Variants in SEMA3A observed in about 807,000 individuals in gnomAD.
The protein encoded by SEMA3A is semaphorin-3A.
Under a neutral mutation model 97.9 loss-of-function variants are expected in SEMA3A, and 29 were observed. The observed-to-expected ratio is 0.30, with a 90% confidence interval of 0.22 to 0.40. The LOEUF (loss-of-function observed/expected upper bound fraction) is 0.40, where lower values mean the gene tolerates loss of function less well. Among genes scored for constraint, SEMA3A ranks in the 10% least tolerant of loss-of-function variants. The pLI, the probability that SEMA3A is intolerant of heterozygous loss-of-function variation, is 1.00. For synonymous variants in SEMA3A, 321 were observed against 323.7 expected (o/e 0.99, Z 0.09); for missense variants, 763 against 951.3 (o/e 0.80, Z 2.60).
chr7:84,175,356 G>A (rs1056010341), intron 1 of SEMA3A, among the ~76,000 whole-genome samples: 11 of 152,058 alleles, frequency 7.2e-5, no homozygotes, highest in Non-Finnish European at 1.3e-4. Flanking sequence ...ACAAACATAC[G>A]AATTATATTT....
At chr7:84,466,521 T>A (rs990207609) in intron 1 of SEMA3A, among the ~76,000 whole-genome samples, 2 of 152,168 alleles carry the variant, frequency 1.3e-5, no homozygotes, top group Non-Finnish European at 2.9e-5. Context: ...TATTTCCTTA[T>A]CCATGGAAGC....
At chr7:84,139,740 T>C (rs1022987616) in intron 1 of SEMA3A, among the ~76,000 whole-genome samples, 9 of 152,098 alleles carry the variant, frequency 5.9e-5, no homozygotes, top group African/African-American at 1.2e-4. Flanking sequence ...TTTCACAAAG[T>C]AGAGGAGTCT....
intron 3 of SEMA3A, among the ~76,000 whole-genome samples, chr7:84,126,913 C>A (rs2116009971): frequency 6.6e-6 from 1 of 152,214 alleles, no homozygotes; most frequent in Middle Eastern, 3.4e-3. Context: ...AAATTCTCAA[C>A]CTCTCTGGGT....
intron 1 of SEMA3A, among the ~76,000 whole-genome samples, chr7:84,441,282 A>C (rs1385164570): frequency 6.6e-6 from 1 of 151,964 alleles, no homozygotes; most frequent in Non-Finnish European, 1.5e-5. Context: ...CAAAAAACTA[A>C]AAGAAGATAT....
At chr7:84,338,449 T>C (rs976468865) in intron 2 of SEMA3A, among the ~76,000 whole-genome samples, 1 of 152,048 alleles carries the variant, frequency 6.6e-6, no homozygotes, top group Non-Finnish European at 1.5e-5. Context: ...GGATAGACAA[T>C]AAGAGTTGAT....
intron 1 of SEMA3A, among the ~76,000 whole-genome samples, chr7:84,140,431 T>C (rs954421098): frequency 1.3e-5 from 2 of 152,158 alleles, no homozygotes; most frequent in Non-Finnish European, 2.9e-5. Context: ...TTCTGACTTC[T>C]GTTATATTTC....
intron 6 of SEMA3A, among the ~76,000 whole-genome samples, chr7:84,030,303 G>T (rs1204634474): frequency 6.6e-6 from 1 of 151,968 alleles, no homozygotes; most frequent in Non-Finnish European, 1.5e-5. Flanking sequence ...CAAGAAACAT[G>T]GTATTTCCTA....
chr7:84,421,948 T>C (rs1472588019), intron 1 of SEMA3A, among the ~76,000 whole-genome samples: 1 of 152,170 alleles, frequency 6.6e-6, no homozygotes, highest in Non-Finnish European at 1.5e-5. Context: ...TTTGCATCAA[T>C]GTTCTTCAGG....
chr7:84,110,002 C>G (rs866529131), intron 4 of SEMA3A, among the ~76,000 whole-genome samples: 11 of 152,130 alleles, frequency 7.2e-5, no homozygotes, highest in Middle Eastern at 3.4e-3. Flanking sequence ...AAAGCTTAGC[C>G]AAGCAAGAAT....
intron 4 of SEMA3A, among the ~76,000 whole-genome samples, chr7:84,098,667 A>G (rs7806871): frequency 0.42 from 63,461 of 151,866 alleles, 14,994 homozygotes; most frequent in Admixed American, 0.53. Context: ...GATAATGCAA[A>G]TTGTAATGGA....
At chr7:84,018,454 T>C (rs1791190369) in intron 6 of SEMA3A, among the ~76,000 whole-genome samples, 1 of 152,206 alleles carries the variant, frequency 6.6e-6, no homozygotes, top group Non-Finnish European at 1.5e-5. Flanking sequence ...TTTGTCTACA[T>C]TGTAGTTATT....
At chr7:84,380,840 G>C (rs1476467169) in intron 1 of SEMA3A, among the ~76,000 whole-genome samples, 2 of 152,176 alleles carry the variant, frequency 1.3e-5, no homozygotes, top group African/African-American at 2.4e-5. Context: ...GCAACAGGGA[G>C]TTCAATGTTT....
intron 12 of SEMA3A, among the ~76,000 whole-genome samples, chr7:83,995,043 A>G (rs111732466): frequency 1.3e-5 from 2 of 152,090 alleles, no homozygotes; most frequent in African/African-American, 4.8e-5. Context: ...AGCCCGTCGG[A>G]AAAGTGCAGT....
intron 4 of SEMA3A, among the ~76,000 whole-genome samples, chr7:84,096,105 A>G (rs948755428): frequency 3.3e-5 from 5 of 152,042 alleles, no homozygotes; most frequent in African/African-American, 9.7e-5. Flanking sequence ...ATCTTGAGGT[A>G]CATGGAAAAT....
chr7:84,086,519 T>TATAGTATATTATTATATTATATTTAC lies in SEMA3A; in HGVS notation c.453+23950_453+23951insGTAAATATAATATAATAATATACTAT, dbSNP rs1562770137. On this transcript the variant is annotated intron_variant, in intron 4 of 16. Coordinates refer to ENST00000265362, the MANE Select transcript of SEMA3A (RefSeq NM_006080.3). ...ATAATATATTATTATATTATATTTA[T>TATAGTATATTATTATATTATATTTAC]ATATAATATATTATTATATTATATT... Among the ~76,000 whole-genome samples, 4 of 73,096 alleles carry TATAGTATATTATTATATTATATTTAC rather than the reference T, an allele frequency of 5.5e-5. 1 individual carries two copies. Among genetic ancestry groups the TATAGTATATTATTATATTATATTTAC allele is most frequent in the African/African-American group, 1.5e-4 (4 of 27,066 alleles). 48.0% of individuals were successfully genotyped at this position (73,096 alleles called of 152,430 possible).
At chr7:84,089,642 T>G (rs1011432595) in intron 4 of SEMA3A, among the ~76,000 whole-genome samples, 2 of 152,072 alleles carry the variant, frequency 1.3e-5, no homozygotes, top group African/African-American at 4.8e-5. Flanking sequence ...AAGCAATTAT[T>G]AGTATTTGGA....
intron 1 of SEMA3A, among the ~76,000 whole-genome samples, chr7:84,432,080 A>G (rs1316194462): frequency 6.6e-6 from 1 of 152,022 alleles, no homozygotes; most frequent in Non-Finnish European, 1.5e-5. Flanking sequence ...ATTTTTTCCA[A>G]TGGTAAGTGA....
intron 1 of SEMA3A, among the ~76,000 whole-genome samples, chr7:84,433,952 T>G (rs1805053197): frequency 6.6e-6 from 1 of 152,092 alleles, no homozygotes; most frequent in Non-Finnish European, 1.5e-5. Flanking sequence ...GTTTAAGTTC[T>G]TTGTAGATTC....
chr7:84,228,058 A>G (rs1799030826), intron 3 of SEMA3A, among the ~76,000 whole-genome samples: 1 of 152,006 alleles, frequency 6.6e-6, no homozygotes, highest in Non-Finnish European at 1.5e-5. Context: ...TTCTATCAAT[A>G]TGGAGGGCAA....
Sources: allele counts gnomAD v4.1 joint callset (sites outside exome capture counted in the v4.1 genomes callset), GRCh38; gene constraint gnomAD v4.1.1; transcripts MANE v1.5; gene names NCBI Gene and HGNC (gene_info 2026-07-23, HGNC 2026-07-21).